HIPK1: variants seen among roughly 807,000 people sequenced by gnomAD.
HIPK1 encodes homeodomain interacting protein kinase 1.
In HIPK1, 28 loss-of-function variants were observed where a neutral mutation model predicts 117.1. That is an observed-to-expected ratio of 0.24 (90% CI 0.18 to 0.33). The LOEUF (loss-of-function observed/expected upper bound fraction) is 0.33. HIPK1 is among the 10% of genes least tolerant of loss of function. HIPK1 has a pLI of 1.00. For missense variants in HIPK1, 1,122 were observed against 1,475.1 expected (o/e 0.76, Z 3.92); for synonymous variants, 605 against 562.5 (o/e 1.08, Z -1.07).
In HIPK1 at chr1:113,966,157, A is replaced by G. The variant is rs1248255115; in HGVS notation, c.2266A>G (p.Ile756Val). 8.1e-6 allele frequency: 13 copies of G among 1,614,042 alleles called. No individual in the cohort carries two copies. The highest frequency in any genetic ancestry group is 1.1e-5 in the Non-Finnish European group (13 of 1,179,960). The change falls in exon 11 of 16, where the codon ATT becomes GTT. Residue 756 changes from isoleucine to valine, a missense_variant. Around this residue, in one of 6 missense-constraint regions of HIPK1, gnomAD observed 731 missense variants for 860.4 expected, o/e 0.85. Transcript: ENST00000426820. ...GGCGTGGCCTGGAGGGACTCAGCAA[A>G]TTCTCCTGCCTTCAACTTGGCAACA... ...LQAWPGGTQQILLPSTWQQLP... is the reference protein window; with the variant it reads ...LQAWPGGTQQVLLPSTWQQLP...
intron 1 of HIPK1, among the ~76,000 whole-genome samples, chr1:113,932,424 T>G (rs1203147701): frequency 3.3e-5 from 5 of 149,736 alleles, no homozygotes; most frequent in Non-Finnish European, 5.9e-5. Context: ...GTCGCCCAGG[T>G]CGGAGTGCCG....
rs116531134 is a variant in HIPK1 at position 113,960,056 on chromosome 1, C to T, written c.1981+1765C>T. The stretch of plus-strand genomic sequence containing the variant: ...GTATTTTGAGGTATTATCCTTATTG[C>T]CCTTCAGTTGCCAGCCATCACTAGT... On this transcript the variant is annotated intron_variant, in intron 8 of 15. Coordinates refer to ENST00000426820, the MANE Select transcript of HIPK1 (RefSeq NM_198268.3). Among the ~76,000 whole-genome samples the T allele has an allele frequency of 4.0e-3, 603 of 152,238 alleles. 1 individual carries two copies. Among genetic ancestry groups the T allele is most frequent in the Middle Eastern group, 0.031 (9 of 294 alleles).
rs142301467 is a variant in HIPK1, at chr1:113,935,622, A to G, written c.-2-4760A>G. Among the ~76,000 whole-genome samples the G allele has an allele frequency of 7.0e-4, 107 of 152,310 alleles. 1 individual carries two copies. The highest frequency in any genetic ancestry group is 2.5e-3 in the African/African-American group (105 of 41,550). ...CCACATTGCTTTTCACAATGGGTGA[A>G]CTAATTTATACTCCCATCAGCAGTA... On this transcript the variant is annotated intron_variant, in intron 1 of 15. Transcript: ENST00000426820.
rs763374269 is a variant in HIPK1, at chr1:113,940,530, C to G, written c.147C>G (p.Leu49=). The G allele has an allele frequency of 1.2e-6, 2 of 1,614,174 alleles. No individual in the cohort carries two copies. The highest frequency in any genetic ancestry group is 2.2e-5 in the South Asian group (2 of 91,084). ...AATATTATACCCACAGCAAAACCCT[C>G]CCAGCCACACAAGGGCAAGCCAACT... The part of the protein sequence containing the change: ...NDKYYTHSKT[L]PATQGQANSS... The change falls in exon 2 of 16, where the codon CTC becomes CTG. Residue 49 remains leucine (L), a synonymous_variant. Transcript: ENST00000426820.
chr1:113,939,266 T>C (rs1670480950), intron 1 of HIPK1, among the ~76,000 whole-genome samples: 1 of 151,654 alleles, frequency 6.6e-6, no homozygotes, highest in Non-Finnish European at 1.5e-5. Context: ...TGATCACTTC[T>C]GCCTTCTGAG....
Position 113,966,160 on chromosome 1 carries a change from C to A in HIPK1, c.2269C>A (p.Leu757Ile). ...QAWPGGTQQI[L>I]LPSTWQQLPG... is the part of the protein sequence containing the mutation. Reference sequence around the variant, plus strand: ...GTGGCCTGGAGGGACTCAGCAAATTCTCCTGCCTTCAACTTGGCAACAGTT... The same window carrying A: ...GTGGCCTGGAGGGACTCAGCAAATTATCCTGCCTTCAACTTGGCAACAGTT... The change falls in exon 11 of 16, where the codon CTC (leucine) becomes ATC (isoleucine). Residue 757 changes from leucine to isoleucine, a missense_variant. Coordinates refer to ENST00000426820, the MANE Select transcript of HIPK1 (RefSeq NM_198268.3). 1 of 1,614,030 alleles carries A rather than the reference C, an allele frequency of 6.2e-7. No homozygotes were observed. Among genetic ancestry groups the A allele is most frequent in the Non-Finnish European group, 8.5e-7 (1 of 1,179,966 alleles).
chr1:113,954,933 T>G (rs1308164964), intron 4 of HIPK1, among the ~76,000 whole-genome samples, 163 bp downstream of exon 4: 1 of 152,254 alleles, frequency 6.6e-6, no homozygotes, highest in Non-Finnish European at 1.5e-5. Context: ...TTATCCTCAG[T>G]TGAAAAACAA....
chr1:113,930,055 C>A (rs1025079186), intron 1 of HIPK1: 1 of 979,966 alleles, frequency 1.0e-6, no homozygotes, highest in Admixed American at 6.1e-5. Flanking sequence ...CCGGGGGCGC[C>A]TTCCTCAAAG....
rs369248695 is a variant in HIPK1 at position 113,963,056 on chromosome 1, A to T, written c.2104-331A>T. Among the ~76,000 whole-genome samples, 43 of 152,358 alleles carry T rather than the reference A, an allele frequency of 2.8e-4. No homozygotes were observed. The South Asian group carries it at 3.5e-3, about 12-fold the overall frequency. On this transcript the variant is annotated intron_variant, in intron 9 of 15. Transcript: ENST00000426820. ...TTTTATATATAAATGTTTGTGGCCT[A>T]TGACACATAGGAAATTCTCAAATCC...
At position 113,973,192 on chromosome 1, in the gene HIPK1, C is replaced by A; in HGVS notation, c.3313C>A (p.Leu1105Met). 1 of 1,612,942 alleles carries A rather than the reference C, an allele frequency of 6.2e-7. No individual in the cohort carries two copies. The highest frequency in any genetic ancestry group is 8.5e-7 in the Non-Finnish European group (1 of 1,179,372). The stretch of plus-strand genomic sequence containing the variant: ...ACACCTTGCCCCGGCCCCTGCTCAC[C>A]TGCCAAGCCAGGCTCATCTGTATAC... ...HPHLAPAPAHLPSQAHLYTYA... is the reference protein window; with the variant it reads ...HPHLAPAPAHMPSQAHLYTYA... The change falls in exon 16 of 16, where the codon CTG becomes ATG. Residue 1105 changes from leucine (L) to methionine (M), a missense_variant. Coordinates refer to ENST00000426820, the MANE Select transcript of HIPK1 (RefSeq NM_198268.3).
In HIPK1 at chr1:113,941,860, C is replaced by T. The variant is rs1204344463; in HGVS notation, c.1076+401C>T. On this transcript the variant is annotated intron_variant, in intron 2 of 15. Coordinates refer to ENST00000426820, the MANE Select transcript of HIPK1 (RefSeq NM_198268.3). This position sits in a 1 kb window ranked among gnomAD's most constrained non-coding sequence, Gnocchi z 4.9. ...CTGCAAGCCCCACCTCCTGGGTTCA[C>T]GCCATTCTCCTGCCTCAGCCTCCTG... Among the ~76,000 whole-genome samples, 3 of 151,330 alleles carry T rather than the reference C, an allele frequency of 2.0e-5. No homozygotes were observed. Among genetic ancestry groups the T allele is most frequent in the East Asian group, 1.9e-4 (1 of 5,144 alleles).
At chr1:113,972,276 C>G (rs1672888731) in intron 15 of HIPK1, among the ~76,000 whole-genome samples, 1 of 152,182 alleles carries the variant, frequency 6.6e-6, no homozygotes, top group Admixed American at 6.5e-5. Context: ...AGACCAGATT[C>G]TCTTTATCCC....
chr1:113,971,705 A>G, intron 14 of HIPK1, 119 bp from the exon 15 acceptor site: 2 of 892,762 alleles, frequency 2.2e-6, no homozygotes, highest in Non-Finnish European at 3.3e-6. Flanking sequence ...TCTGATGTAA[A>G]TAGAATTGAG....
At chr1:113,952,176 T>A (rs1370478986) in intron 2 of HIPK1, among the ~76,000 whole-genome samples, 4 of 152,068 alleles carry the variant, frequency 2.6e-5, no homozygotes, top group Non-Finnish European at 5.9e-5. Flanking sequence ...TGACCTCAGG[T>A]GATCCACCCG....
intron 8 of HIPK1, among the ~76,000 whole-genome samples, chr1:113,959,787 G>A (rs552929491): frequency 6.6e-6 from 1 of 152,216 alleles, no homozygotes; most frequent in East Asian, 1.9e-4. Context: ...AAATGAAAAA[G>A]GAGTTTTAAA....
At position 113,929,344 on chromosome 1, in the gene HIPK1, C is replaced by G. The variant is rs1669671324; in HGVS notation, c.-191C>G. On this transcript the variant is annotated 5_prime_UTR_variant, in exon 1 of 16. Coordinates refer to ENST00000426820, the MANE Select transcript of HIPK1 (RefSeq NM_198268.3). ...GGGATGACATTTTACAGTTGGATCC[C>G]GTACCACCGCCAGGCACCTTTAAAT... 2.3e-6 allele frequency: 3 copies of G among 1,289,486 alleles called. No individual in the cohort carries two copies. The highest frequency in any genetic ancestry group is 2.1e-4 in the Middle Eastern group (1 of 4,694). The allele number at this position is 1,289,486 out of a possible 1,614,324, so 79.9% of individuals were successfully genotyped here.
chr1:113,970,848 CAGA>C (rs1162826584), intron 14 of HIPK1, among the ~76,000 whole-genome samples: 1 of 152,162 alleles, frequency 6.6e-6, no homozygotes, highest in Non-Finnish European at 1.5e-5. Context: ...AGCATCCAGT[CAGA>C]AGGAGAAAGA....
intron 15 of HIPK1, 30 bp from the exon 16 acceptor site, chr1:113,972,994 G>T: frequency 6.6e-7 from 1 of 1,512,860 alleles, no homozygotes; most frequent in Non-Finnish European, 8.8e-7. Context: ...GTGACCTCAG[G>T]ATTCCTCACT....
Position 113,976,513 on chromosome 1 carries a change from A to G in HIPK1, c.*3001A>G, listed in dbSNP as rs972816863. The G allele has an allele frequency of 7.9e-5, 12 of 152,812 alleles. No individual in the cohort carries two copies. The highest frequency in any genetic ancestry group is 7.9e-4 in the Admixed American group (12 of 15,286). 9.5% of individuals were successfully genotyped at this position (152,812 alleles called of 1,614,324 possible). ...ATAAGCAGATACCACTTAAGATAGG[A>G]GTCTAAACTCCACAGAAAAGGATAA... On this transcript the variant is annotated 3_prime_UTR_variant, in exon 16 of 16. Coordinates refer to ENST00000426820, the MANE Select transcript of HIPK1 (RefSeq NM_198268.3).
Sources: allele counts gnomAD v4.1 joint callset (sites outside exome capture counted in the v4.1 genomes callset), GRCh38; gene constraint gnomAD v4.1.1; regional missense constraint gnomAD v4.1.1; non-coding constraint Gnocchi (gnomAD v3.1); transcripts MANE v1.5; gene names NCBI Gene and HGNC (gene_info 2026-07-23, HGNC 2026-07-21).